The following FMO3 variants were observed in gnomAD, a reference collection of about 807,000 sequenced individuals.
The protein encoded by FMO3 is flavin containing dimethylaniline monoxygenase 3, also known as flavin-containing monooxygenase 3.
In FMO3, 40 loss-of-function variants were observed where a neutral mutation model predicts 39.4. That is an observed-to-expected ratio of 1.02 (90% CI 0.79 to 1.32). The LOEUF is 1.32. FMO3 is among the 40% of genes most tolerant of loss of function. The pLI is 0.00. For missense variants in FMO3, 680 were observed against 651.8 expected, an observed-to-expected ratio of 1.04 and a Z score of -0.47; for synonymous variants, 219 against 228.8, an observed-to-expected ratio of 0.96 and a Z score of 0.39.
chr1:171,116,197 T>C lies in FMO3; in HGVS notation c.1184-11T>C, dbSNP rs1656142321. The C allele has an allele frequency of 1.3e-6, 2 of 1,572,816 alleles. No homozygotes were observed. Among genetic ancestry groups the C allele is most frequent in the Non-Finnish European group, 1.7e-6 (2 of 1,142,878 alleles). On this transcript the variant is annotated splice_polypyrimidine_tract_variant and intron_variant, in intron 7 of 8. Transcript: ENST00000367755. The stretch of plus-strand genomic sequence containing the variant: ...TCATTAATTACCATCGTGTCTTTCC[T>C]TCTTTATCAGGAACTTGTACTTTGC...
intron 2 of FMO3, chr1:171,101,248 C>T (rs1015831816): frequency 2.0e-5 from 9 of 455,954 alleles, no homozygotes; most frequent in African/African-American, 1.0e-4. Flanking sequence ...TAGTGATTCC[C>T]GACTGCTGAC....
chr1:171,111,077 C>A, intron 6 of FMO3, 80 bp downstream of exon 6: 1 of 1,088,616 alleles, frequency 9.2e-7, no homozygotes, highest in Non-Finnish European at 1.4e-6. Context: ...AAGCCCAAAA[C>A]AAATCAAAGT....
intron 2 of FMO3, among the ~76,000 whole-genome samples, chr1:171,096,025 A>T (rs1051195533): frequency 4.4e-5 from 2 of 45,974 alleles, no homozygotes; most frequent in South Asian, 9.6e-4. Context: ...ATTATATATT[A>T]ATATATAATA....
At chr1:171,091,387 G>A (rs1401442633) in intron 1 of FMO3, among the ~76,000 whole-genome samples, 1 of 152,008 alleles carries the variant, frequency 6.6e-6, no homozygotes, top group Admixed American at 6.5e-5. Context: ...CACGGATCAT[G>A]ATGTTTAATC....
At position 171,117,264 on chromosome 1, in the gene FMO3, TG is replaced by T. The variant is rs747184293; in HGVS notation, c.1424del (p.Gly475AlafsTer13). 1 of 1,614,164 alleles carries T rather than the reference TG, an allele frequency of 6.2e-7. No homozygotes were observed. The highest frequency in any genetic ancestry group is 8.5e-7 in the Non-Finnish European group (1 of 1,180,022). On this transcript the variant is annotated frameshift_variant, in exon 9 of 9. Transcript: ENST00000367755. LOFTEE classifies it low-confidence loss of function (END_TRUNC). ...GPCSPYQFRL[V>X]GPGQWPGARN... Reference sequence around the variant, plus strand: ...TGTAGTCCCTACCAGTTTAGGCTGGTGGGCCCAGGGCAGTGGCCAGGAGCCA... The same window carrying T: ...TGTAGTCCCTACCAGTTTAGGCTGGTGGCCCAGGGCAGTGGCCAGGAGCCA...
chr1:171,103,643 A>C (rs537310814), intron 2 of FMO3, 142 bp from the exon 3 acceptor site: 2 of 724,034 alleles, frequency 2.8e-6, no homozygotes, highest in South Asian at 3.0e-5. Flanking sequence ...AGACTTGAGC[A>C]TTCGTAGATT....
rs774663327 is a variant in FMO3 at position 171,114,074 on chromosome 1, G to A, written c.895G>A (p.Val299Ile). 21 of 1,613,222 alleles carry A rather than the reference G, an allele frequency of 1.3e-5. No homozygotes were observed. The highest frequency in any genetic ancestry group is 1.6e-4 in the Middle Eastern group (1 of 6,078). Residue 299 changes from valine to isoleucine, a missense_variant, in exon 7 of 9, where the codon GTA becomes ATA. By Grantham distance (29) the Val-to-Ile change is conservative (BLOSUM62 3). Coordinates refer to ENST00000367755, the MANE Select transcript of FMO3 (RefSeq NM_001002294.3). ...PASILCGIVS[V>I]KPNVKEFTET... ...AAGCATTCTGTGTGGCATTGTGTCC[G>A]TAAAGCCTAACGTGAAGGAATTCAC...
Position 171,116,290 on chromosome 1 carries a change from C to A in FMO3, c.1256+10C>A, listed in dbSNP as rs765026592. On this transcript the variant is annotated intron_variant, in intron 8 of 8. Transcript: ENST00000367755. ...AGAAAAAGCGCAAATGGTAAGAGTA[C>A]CTATTGTAATAGGAGTGTAGGATTT... 1.4e-6 allele frequency: 2 copies of A among 1,443,248 alleles called. No homozygotes were observed. Among genetic ancestry groups the A allele is most frequent in the Admixed American group, 1.7e-5 (1 of 59,564 alleles). The allele number at this position is 1,443,248 out of a possible 1,614,324, so 89.4% of individuals were successfully genotyped here.
chr1:171,096,024 TAA>T (rs1491166188), intron 2 of FMO3, among the ~76,000 whole-genome samples: 3 of 46,330 alleles, frequency 6.5e-5, no homozygotes, highest in Non-Finnish European at 9.9e-5. Context: ...TATTATATAT[TAA>T]TATATAATAT....
intron 5 of FMO3, among the ~76,000 whole-genome samples, chr1:171,109,259 G>C (rs1417367171): frequency 1.3e-5 from 2 of 152,144 alleles, no homozygotes; most frequent in Non-Finnish European, 2.9e-5. Context: ...CGAATCCAAG[G>C]AACAGTAGTC....
At chr1:171,107,448 G>A (rs1371558586) in intron 3 of FMO3, among the ~76,000 whole-genome samples, 1 of 152,166 alleles carries the variant, frequency 6.6e-6, no homozygotes, top group African/African-American at 2.4e-5. Flanking sequence ...TCCAAGGGGT[G>A]TCACTCTTGT....
chr1:171,112,663 A>G (rs1177282263), intron 6 of FMO3, among the ~76,000 whole-genome samples: 4 of 152,220 alleles, frequency 2.6e-5, no homozygotes, highest in Non-Finnish European at 4.4e-5. Context: ...TGGAATGCCT[A>G]TTAGACATTC....
chr1:171,102,051 A>G (rs966336585), intron 2 of FMO3, among the ~76,000 whole-genome samples: 8 of 152,172 alleles, frequency 5.3e-5, no homozygotes, highest in Non-Finnish European at 1.2e-4. Flanking sequence ...CCACATGCCT[A>G]TAGCAGAGTC....
chr1:171,105,947 A>G (rs1655615683), intron 3 of FMO3, among the ~76,000 whole-genome samples: 1 of 152,112 alleles, frequency 6.6e-6, no homozygotes, highest in Non-Finnish European at 1.5e-5. Flanking sequence ...GCACTGTTCA[A>G]TATAGTAGCC....
At chr1:171,106,975 CAT>C (rs1452573159) in intron 3 of FMO3, among the ~76,000 whole-genome samples, 2 of 152,048 alleles carry the variant, frequency 1.3e-5, no homozygotes, top group African/African-American at 4.8e-5. Flanking sequence ...AAAAATGTAA[CAT>C]ATATGTGTTT....
In FMO3 at chr1:171,103,760, T is replaced by A. The variant is rs1655513931; in HGVS notation, c.133-25T>A. ...CAGTATACTCATTTACCAATTCGCTTCCATTTGATACTATACATTCACAGG... is the reference window on the plus strand; with the variant it reads ...CAGTATACTCATTTACCAATTCGCTACCATTTGATACTATACATTCACAGG... On this transcript the variant is annotated intron_variant, in intron 2 of 8. Transcript: ENST00000367755. 4 of 1,592,974 alleles carry A rather than the reference T, an allele frequency of 2.5e-6. 1 individual carries two copies. The highest frequency in any genetic ancestry group is 3.4e-6 in the Non-Finnish European group (4 of 1,160,920).
At chr1:171,106,312 G>T (rs1444923241) in intron 3 of FMO3, among the ~76,000 whole-genome samples, 2 of 151,874 alleles carry the variant, frequency 1.3e-5, no homozygotes, top group Admixed American at 6.6e-5. Flanking sequence ...AACTAATTTT[G>T]TATTTTTAGT....
chr1:171,101,274 T>C, intron 2 of FMO3: 1 of 452,572 alleles, frequency 2.2e-6, no homozygotes, highest in South Asian at 1.6e-5. Flanking sequence ...GAACTGTGAA[T>C]CAATTGCTAT....
At chr1:171,091,460 AAAG>A (rs1280480074) in intron 1 of FMO3, among the ~76,000 whole-genome samples, 1 of 152,140 alleles carries the variant, frequency 6.6e-6, no homozygotes. Context: ...AAAAGTAGTG[AAAG>A]AAGTAGTGGT....
Sources: allele counts gnomAD v4.1 joint callset (sites outside exome capture counted in the v4.1 genomes callset), GRCh38; gene constraint gnomAD v4.1.1; transcripts MANE v1.5; gene names NCBI Gene and HGNC (gene_info 2026-07-23, HGNC 2026-07-21).